The following NRP2 variants were observed in gnomAD, a reference collection of about 807,000 sequenced individuals.
NRP2 encodes neuropilin-2.
In NRP2, 52 loss-of-function variants were observed where a neutral mutation model predicts 110.4. The ratio of observed to expected loss-of-function variants is 0.47; its 90% CI spans 0.38 to 0.59. The LOEUF (loss-of-function observed/expected upper bound fraction) is 0.59. NRP2 is among the 20% of genes least tolerant of loss of function. NRP2 has a pLI of 0.00. For synonymous variants in NRP2, 508 were observed against 468.9 expected (o/e 1.08, Z -1.08); for missense variants, 1,049 against 1,203.0 (o/e 0.87, Z 1.89).
At position 205,796,958 on chromosome 2, in the gene NRP2, C is replaced by G. The variant is rs757388441; in HGVS notation, c.*1900C>G. ...CTTTAAATGTTAACTTATGGAAATG[C>G]TAGTTCAAATGGTAATGTCACAGTG... On this transcript the variant is annotated 3_prime_UTR_variant, in exon 17 of 17. Transcript: ENST00000357785. 1 of 152,634 alleles carries G rather than the reference C, an allele frequency of 6.6e-6. No individual in the cohort carries two copies. The highest frequency in any genetic ancestry group is 1.5e-5 in the Non-Finnish European group (1 of 68,054). 9.5% of individuals were successfully genotyped at this position (152,634 alleles called of 1,614,324 possible).
At chr2:205,764,324 C>A in intron 13 of NRP2, 1 of 232,080 alleles carries the variant, frequency 4.3e-6, no homozygotes, top group Non-Finnish European at 8.6e-6. Context: ...GATAATCTCC[C>A]AGACCTGTCC....
intron 1 of NRP2, among the ~76,000 whole-genome samples, chr2:205,689,466 T>C (rs1347612491): frequency 6.6e-6 from 1 of 152,236 alleles, no homozygotes; most frequent in Admixed American, 6.5e-5. Context: ...TTCAGTGGGG[T>C]TAGTGGAATC....
In NRP2 at chr2:205,772,043, C is replaced by G. The variant is rs926562348; in HGVS notation, c.2425+5240C>G. On this transcript the variant is annotated intron_variant, in intron 15 of 16. Coordinates refer to ENST00000357785, the MANE Select transcript of NRP2 (RefSeq NM_003872.3). ...GACTCTGACACTTGCTAGCAGTGTA[C>G]AGTTCCTCAGGGGACCCTGGGCCAT... Among the ~76,000 whole-genome samples the G allele has an allele frequency of 2.6e-5, 4 of 152,218 alleles. No homozygotes were observed. In the South Asian group the frequency reaches 8.3e-4, roughly 31 times the overall value.
In NRP2 at chr2:205,743,635, C is replaced by T. The variant is rs1046315762; in HGVS notation, c.1641+83C>T. ...TACAGGGAGTTGAGACTGATGATGT[C>T]CCATCTAAACAGTCGTCATCCAACT... On this transcript the variant is annotated intron_variant, in intron 9 of 16. Coordinates refer to ENST00000357785, the MANE Select transcript of NRP2 (RefSeq NM_003872.3). 2.7e-5 allele frequency: 42 copies of T among 1,547,188 alleles called. 1 individual carries two copies. Among genetic ancestry groups the T allele is most frequent in the Middle Eastern group, 3.9e-4 (2 of 5,072 alleles).
intron 12 of NRP2, chr2:205,756,360 A>T (rs1261913029): frequency 6.6e-6 from 1 of 152,200 alleles, no homozygotes; most frequent in Non-Finnish European, 1.5e-5. Flanking sequence ...CTACATTCTC[A>T]GGTGCTTTGA....
intron 7 of NRP2, among the ~76,000 whole-genome samples, chr2:205,736,529 C>T (rs1389970322): frequency 6.6e-6 from 1 of 152,074 alleles, no homozygotes; most frequent in Non-Finnish European, 1.5e-5. Flanking sequence ...TGGGAGTAGT[C>T]GTGGCTTTTG....
At chr2:205,711,094 G>C (rs1380472229) in intron 2 of NRP2, among the ~76,000 whole-genome samples, 1 of 152,238 alleles carries the variant, frequency 6.6e-6, no homozygotes, top group Non-Finnish European at 1.5e-5. Context: ...CACAAAGACA[G>C]AGAGTATAAA....
rs1466956354 is a variant in NRP2, at chr2:205,719,054, C to T, written c.433+2680C>T. ...ATTCATGCAGGTGCCTTGTCCTATA[C>T]CCACATTTCCATTGTTGGAGTCAGG... is the stretch of plus-strand genomic sequence containing the variant. On this transcript the variant is annotated intron_variant, in intron 3 of 16. Coordinates refer to ENST00000357785, the MANE Select transcript of NRP2 (RefSeq NM_003872.3). Among the ~76,000 whole-genome samples, 4 of 152,012 alleles carry T rather than the reference C, an allele frequency of 2.6e-5. No individual in the cohort carries two copies. In the East Asian group the frequency reaches 7.7e-4, roughly 29 times the overall value.
rs2058339095 is a variant in NRP2, at chr2:205,794,947, G to A, written c.2670G>A (p.Ser890=). Reference sequence around the variant, plus strand: ...TGCTCTACTGCACCTGTTCCTACTCGGGCCTGAGCTCCCGAAGCTGCACCA... The same window carrying A: ...TGCTCTACTGCACCTGTTCCTACTCAGGCCTGAGCTCCCGAAGCTGCACCA... ...GLLLYCTCSY[S]GLSSRSCTTL... Residue 890 remains serine, a synonymous_variant, in exon 17 of 17, where the codon TCG becomes TCA. Coordinates refer to ENST00000357785, the MANE Select transcript of NRP2 (RefSeq NM_003872.3). 5 of 1,614,066 alleles carry A rather than the reference G, an allele frequency of 3.1e-6. No individual in the cohort carries two copies. Among genetic ancestry groups the A allele is most frequent in the South Asian group, 2.2e-5 (2 of 91,078 alleles).
At position 205,796,068 on chromosome 2, in the gene NRP2, T is replaced by C. The variant is rs1388833913; in HGVS notation, c.*1010T>C. On this transcript the variant is annotated 3_prime_UTR_variant, in exon 17 of 17. Transcript: ENST00000357785. ...AAAATAGAGGGAAAAATAGAGACTA[T>C]TGGTATGTTCTCCCCATCAGCGAGT... 1.3e-5 allele frequency: 2 copies of C among 152,184 alleles called. No homozygotes were observed. The highest frequency in any genetic ancestry group is 1.9e-4 in the East Asian group (1 of 5,194). 9.4% of individuals were successfully genotyped at this position (152,184 alleles called of 1,614,324 possible). A position where few individuals can be genotyped will look rare whatever the true frequency, so the allele number is the denominator to read the frequency against.
Position 205,725,965 on chromosome 2 carries a change from A to G in NRP2, c.873A>G (p.Glu291=), listed in dbSNP as rs1426204270. 1.9e-6 allele frequency: 3 copies of G among 1,614,012 alleles called. No homozygotes were observed. The highest frequency in any genetic ancestry group is 2.2e-5 in the South Asian group (2 of 91,082). The change falls in exon 6 of 17, where the codon GAA becomes GAG. Residue 291 remains glutamate (E), a synonymous_variant. Coordinates refer to ENST00000357785, the MANE Select transcript of NRP2 (RefSeq NM_003872.3). This position sits in a 1 kb window ranked among gnomAD's most constrained non-coding sequence, Gnocchi z 4.1. The part of the protein sequence containing the change: ...LGMESGRIAN[E]QISASSTYSD... The stretch of plus-strand genomic sequence containing the variant: ...TGGAGTCTGGCCGGATTGCTAATGA[A>G]CAGATCAGTGCCTCATCTACCTACT...
chr2:205,730,002 T>TGG (rs1487572402), intron 7 of NRP2, among the ~76,000 whole-genome samples: 1 of 152,168 alleles, frequency 6.6e-6, no homozygotes, highest in East Asian at 1.9e-4. Context: ...TAAATGGAGT[T>TGG]GGGGCAGAGG....
intron 7 of NRP2, among the ~76,000 whole-genome samples, chr2:205,733,585 ATC>A (rs2057283412): frequency 6.6e-6 from 1 of 151,992 alleles, no homozygotes. Flanking sequence ...TGTTCCCTCA[ATC>A]TCTCCCCACC....
intron 3 of NRP2, chr2:205,722,207 AC>A (rs1448155039): frequency 2.0e-6 from 1 of 492,022 alleles, no homozygotes; most frequent in Non-Finnish European, 3.7e-6. Context: ...ACACACACAC[AC>A]ACACTTCTCT....
intron 8 of NRP2, among the ~76,000 whole-genome samples, chr2:205,741,546 G>A (rs1007341769): frequency 2.0e-5 from 3 of 152,208 alleles, no homozygotes; most frequent in Non-Finnish European, 4.4e-5. Context: ...GGCAATGCAG[G>A]GGGTGCAGAT....
At chr2:205,716,041 A>C (rs2056886959) in intron 2 of NRP2, 152 bp from the exon 3 acceptor site, 1 of 830,254 alleles carries the variant, frequency 1.2e-6, no homozygotes, top group Admixed American at 1.7e-5. Flanking sequence ...TCTGTTTGCC[A>C]GTCTGTACAA....
intron 2 of NRP2, among the ~76,000 whole-genome samples, chr2:205,706,342 C>A (rs2056677756): frequency 6.6e-6 from 1 of 152,026 alleles, no homozygotes; most frequent in Admixed American, 6.5e-5. Context: ...AATGGTGGAA[C>A]AAATAATTGT....
At position 205,727,286 on chromosome 2, in the gene NRP2, G is replaced by T. The variant is rs556118424; in HGVS notation, c.991-605G>T. 2.6e-5 allele frequency among the ~76,000 whole-genome samples: 4 copies of T among 152,310 alleles called. No individual in the cohort carries two copies. The East Asian group carries it at 7.7e-4, about 29-fold the overall frequency. On this transcript the variant is annotated intron_variant, in intron 6 of 16. Coordinates refer to ENST00000357785, the MANE Select transcript of NRP2 (RefSeq NM_003872.3). ...ATTTCCAAATGGGTTTGGCATTGTG[G>T]GAGGGGAAGTACCTTAAAATGTTGG... is the stretch of plus-strand genomic sequence containing the variant.
At chr2:205,784,630 C>T (rs2058215922) in intron 15 of NRP2, among the ~76,000 whole-genome samples, 2 of 152,192 alleles carry the variant, frequency 1.3e-5, no homozygotes, top group Non-Finnish European at 2.9e-5. Context: ...CTTTCTGGCT[C>T]TGCACCTCCT....
Sources: allele counts gnomAD v4.1 joint callset (sites outside exome capture counted in the v4.1 genomes callset), GRCh38; gene constraint gnomAD v4.1.1; non-coding constraint Gnocchi (gnomAD v3.1); transcripts MANE v1.5; gene names NCBI Gene and HGNC (gene_info 2026-07-23, HGNC 2026-07-21).